The following GDAP2 variants were observed in gnomAD, a reference collection of about 807,000 sequenced individuals.
GDAP2 encodes the protein ganglioside induced differentiation associated protein 2, also known as ganglioside-induced differentiation-associated protein 2.
In GDAP2, 51 loss-of-function variants were observed where a neutral mutation model predicts 67.0. The ratio of observed to expected loss-of-function variants is 0.76; its 90% confidence interval spans 0.61 to 0.96. The LOEUF is 0.96. GDAP2 is among the 40% of genes least tolerant of loss of function. The pLI is 0.00. For synonymous variants in GDAP2, 203 were observed against 207.3 expected (o/e 0.98, Z 0.18); for missense variants, 547 against 588.3 (o/e 0.93, Z 0.73).
Position 117,881,718 on chromosome 1 carries a change from T to C in GDAP2, c.1302+105A>G, listed in dbSNP as rs532727074. On this transcript the variant is annotated intron_variant, in intron 12 of 13. Transcript: ENST00000369443. The stretch of plus-strand genomic sequence containing the variant: ...CACTTAGAAACCAGGAAATTAGCAG[T>C]CACAATGGTGACAGCAACAATTAAG... 1.2e-5 allele frequency: 9 copies of C among 726,940 alleles called. No homozygotes were observed. The Middle Eastern group carries it at 8.2e-4, about 66-fold the overall frequency. 45.0% of individuals were successfully genotyped at this position (726,940 alleles called of 1,614,324 possible).
Position 117,920,444 on chromosome 1 carries a change from A to T in GDAP2, c.-67-20T>A. 1 of 813,278 alleles carries T rather than the reference A, an allele frequency of 1.2e-6. No individual in the cohort carries two copies. 50.4% of individuals were successfully genotyped at this position (813,278 alleles called of 1,614,324 possible). On this transcript the variant is annotated intron_variant, in intron 1 of 13. Transcript: ENST00000369443. The stretch of plus-strand genomic sequence containing the variant: ...CTTTAGCTTTAAGAGAAAAGAAAGA[A>T]TCACTTTAATAGAGAAGCACAGATA...
At chr1:117,915,250 C>T (rs144395427) in intron 3 of GDAP2, among the ~76,000 whole-genome samples, 2 of 152,122 alleles carry the variant, frequency 1.3e-5, no homozygotes, top group Non-Finnish European at 2.9e-5. Context: ...ATAGGAAATA[C>T]AAACTAAATG....
intron 6 of GDAP2, among the ~76,000 whole-genome samples, chr1:117,905,142 C>A (rs769812583): frequency 6.6e-6 from 1 of 152,162 alleles, no homozygotes; most frequent in Non-Finnish European, 1.5e-5. Context: ...CTGCAACCAC[C>A]TGTTATCTCT....
Position 117,867,527 on chromosome 1 carries a change from GAAAAAAAAAAAAAA to G in GDAP2, c.*3028_*3041del, listed in dbSNP as rs745964438. 1.2e-5 allele frequency: 1 copy of G among 80,048 alleles called. No homozygotes were observed. Among genetic ancestry groups the G allele is most frequent in the Non-Finnish European group, 2.4e-5 (1 of 41,320 alleles). The allele number at this position is 80,048 out of a possible 1,614,324, so 5.0% of individuals were successfully genotyped here. A position where few individuals can be genotyped will look rare whatever the true frequency, so the allele number is the denominator to read the frequency against. On this transcript the variant is annotated 3_prime_UTR_variant, in exon 14 of 14. Transcript: ENST00000369443. ...AACATGGTGAAACCCTGTCTCTACT[GAAAAAAAAAAAAAA>G]AAAAAAAAAAATTAGCCAGGCATGG...
chr1:117,920,301 C>A lies in GDAP2; in HGVS notation c.57G>T (p.Trp19Cys), dbSNP rs1353948296. 1 of 1,610,240 alleles carries A rather than the reference C, an allele frequency of 6.2e-7. No individual in the cohort carries two copies. Among genetic ancestry groups the A allele is most frequent in the Non-Finnish European group, 8.5e-7 (1 of 1,177,126 alleles). Residue 19 changes from tryptophan to cysteine, a missense_variant, in exon 2 of 14, where the codon TGG becomes TGT. Physicochemically the swap from Trp to Cys is radical, Grantham distance 215 (BLOSUM62 -2). Transcript: ENST00000369443. ...TTAATTCATCTTGGCATGAGTCACC[C>A]CAGCTTGGTAGTGTATCCACATCCA... ...QFVDVDTLPSWGDSCQDELNS... is the reference protein window; with the variant it reads ...QFVDVDTLPSCGDSCQDELNS...
At chr1:117,920,150 C>A in intron 2 of GDAP2, 32 bp downstream of exon 2, 2 of 1,254,222 alleles carry the variant, frequency 1.6e-6, no homozygotes, top group South Asian at 1.3e-5. Context: ...AAAGTGTTAT[C>A]TCCTCATGAT....
chr1:117,874,579 T>C (rs1648392255), intron 13 of GDAP2, among the ~76,000 whole-genome samples: 1 of 151,966 alleles, frequency 6.6e-6, no homozygotes, highest in African/African-American at 2.4e-5. Flanking sequence ...AGGCAGAAAA[T>C]TGGTACTGAG....
intron 12 of GDAP2, among the ~76,000 whole-genome samples, chr1:117,881,286 C>T (rs1648639625): frequency 6.6e-6 from 1 of 152,080 alleles, no homozygotes. Context: ...AAGATGTAGG[C>T]TTAGGTAGTG....
chr1:117,867,352 T>C lies in GDAP2; in HGVS notation c.*3217A>G, dbSNP rs930431096. 6.6e-6 allele frequency: 1 copy of C among 151,882 alleles called. No individual in the cohort carries two copies. The highest frequency in any genetic ancestry group is 1.5e-5 in the Non-Finnish European group (1 of 67,974). 9.4% of individuals were successfully genotyped at this position (151,882 alleles called of 1,614,324 possible). A position where few individuals can be genotyped will look rare whatever the true frequency, so the allele number is the denominator to read the frequency against. ...CCTACCAAAAATACTCAAAAAACCCTCTGCTAATTACTCTCAAAATACTGC... is the reference window on the plus strand; with the variant it reads ...CCTACCAAAAATACTCAAAAAACCCCCTGCTAATTACTCTCAAAATACTGC... On this transcript the variant is annotated 3_prime_UTR_variant, in exon 14 of 14. Coordinates refer to ENST00000369443, the MANE Select transcript of GDAP2 (RefSeq NM_017686.4).
intron 3 of GDAP2, among the ~76,000 whole-genome samples, chr1:117,916,874 A>G (rs908879351): frequency 6.6e-6 from 1 of 152,048 alleles, no homozygotes; most frequent in Non-Finnish European, 1.5e-5. Flanking sequence ...TCTTCACTAA[A>G]AATACAAAAA....
intron 13 of GDAP2, 37 bp from the exon 14 acceptor site, chr1:117,870,653 CAG>C: frequency 7.5e-7 from 1 of 1,334,182 alleles, no homozygotes; most frequent in South Asian, 1.2e-5. Context: ...ATTTAAGTAA[CAG>C]AACCAATTTA....
At position 117,895,824 on chromosome 1, in the gene GDAP2, A is replaced by C. The variant is rs143588520; in HGVS notation, c.953+1009T>G. Among the ~76,000 whole-genome samples the C allele has an allele frequency of 2.0e-5, 3 of 152,260 alleles. No individual in the cohort carries two copies. The East Asian group carries it at 5.8e-4, about 29-fold the overall frequency. On this transcript the variant is annotated intron_variant, in intron 8 of 13. Coordinates refer to ENST00000369443, the MANE Select transcript of GDAP2 (RefSeq NM_017686.4). ...GTGACTGGAGAGTTCATGTAGTCCAACTCCCACTTTATCAGTGGAGACAGA... is the reference window on the plus strand; with the variant it reads ...GTGACTGGAGAGTTCATGTAGTCCACCTCCCACTTTATCAGTGGAGACAGA...
chr1:117,878,031 A>T lies in GDAP2; in HGVS notation c.1424T>A (p.Phe475Tyr). Residue 475 changes from phenylalanine (F) to tyrosine (Y), a missense_variant, in exon 13 of 14, where the codon TTT becomes TAT. Physicochemically the swap from Phe to Tyr is conservative, Grantham distance 22. Transcript: ENST00000369443. ...TACCCTGGCATCATATTCAAGGACA[A>T]AAGGAGGAAAGTCAATCTGTTCTGG... ...ISPEQIDFPP[F>Y]VLEYDARENG... The T allele has an allele frequency of 1.2e-6, 2 of 1,612,964 alleles. No individual in the cohort carries two copies. Among genetic ancestry groups the T allele is most frequent in the Non-Finnish European group, 8.5e-7 (1 of 1,179,038 alleles).
intron 11 of GDAP2, among the ~76,000 whole-genome samples, chr1:117,882,436 A>C (rs912925222): frequency 6.6e-6 from 1 of 152,166 alleles, no homozygotes; most frequent in African/African-American, 2.4e-5. Context: ...CCAGTCATCA[A>C]GTGGCAGAGC....
intron 13 of GDAP2, among the ~76,000 whole-genome samples, chr1:117,871,300 G>A (rs1338166304): frequency 6.6e-6 from 1 of 152,154 alleles, no homozygotes; most frequent in Non-Finnish European, 1.5e-5. Flanking sequence ...GTGCAAGGGG[G>A]AATTTTTTGG....
intron 1 of GDAP2, among the ~76,000 whole-genome samples, chr1:117,921,260 C>T (rs1307818991): frequency 6.6e-6 from 1 of 152,018 alleles, no homozygotes; most frequent in East Asian, 1.9e-4. Flanking sequence ...TATTTGCAAG[C>T]ATCTATTATG....
intron 13 of GDAP2, among the ~76,000 whole-genome samples, chr1:117,875,829 C>T (rs1557793528): frequency 6.6e-6 from 1 of 152,278 alleles, no homozygotes; most frequent in Admixed American, 6.5e-5. Flanking sequence ...TTATTCCTCC[C>T]TTTTGGAATG....
At chr1:117,889,249 T>A (rs563908310) in intron 8 of GDAP2, among the ~76,000 whole-genome samples, 5 of 152,274 alleles carry the variant, frequency 3.3e-5, no homozygotes, top group African/African-American at 9.6e-5. Context: ...TGTATTGATA[T>A]ACGGATACAT....
chr1:117,881,910 G>C (rs1266927997), intron 11 of GDAP2, 33 bp from the exon 12 acceptor site: 1 of 1,268,120 alleles, frequency 7.9e-7, no homozygotes, highest in African/African-American at 1.5e-5. Context: ...AAAAAAATCA[G>C]TATAAGTTCA....
Sources: allele counts gnomAD v4.1 joint callset (sites outside exome capture counted in the v4.1 genomes callset), GRCh38; gene constraint gnomAD v4.1.1; transcripts MANE v1.5; gene names NCBI Gene and HGNC (gene_info 2026-07-23, HGNC 2026-07-21).